Variants in FHIT observed in about 807,000 individuals in gnomAD.
FHIT encodes the protein fragile histidine triad diadenosine triphosphatase.
FHIT carries 19 observed loss-of-function variants against 17.9 expected under a neutral mutation model. The observed-to-expected ratio is 1.06, with a 90% CI of 0.74 to 1.56. The LOEUF is 1.56. Ranked by LOEUF, FHIT falls within the 40% of genes most tolerant of loss-of-function variation. FHIT has a pLI of 0.00. For synonymous variants in FHIT, 81 were observed against 69.7 expected, an observed-to-expected ratio of 1.16 and a Z score of -0.81; for missense variants, 248 against 189.2, an observed-to-expected ratio of 1.31 and a Z score of -1.82.
chr3:60,224,118 C>T (rs1011635613), intron 5 of FHIT, among the ~76,000 whole-genome samples: 3 of 152,118 alleles, frequency 2.0e-5, no homozygotes, highest in Non-Finnish European at 4.4e-5. Flanking sequence ...AGCCTCTCAA[C>T]AAATTTATTT....
At chr3:60,097,297 T>G (rs1225736473) in intron 5 of FHIT, among the ~76,000 whole-genome samples, 2 of 152,062 alleles carry the variant, frequency 1.3e-5, no homozygotes, top group Admixed American at 6.5e-5. Context: ...AAGGGGGAGC[T>G]TTACCCCTTG....
intron 4 of FHIT, chr3:60,690,277 C>T (rs1019240466): frequency 2.2e-5 from 12 of 551,406 alleles, no homozygotes; most frequent in African/African-American, 3.8e-5. Flanking sequence ...CTTGCCATTC[C>T]TGAACACAAA....
chr3:60,014,326 C>T (rs17061792), intron 5 of FHIT, among the ~76,000 whole-genome samples, 174 bp from the exon 6 acceptor site: 25,149 of 152,158 alleles, frequency 0.17, 2,285 homozygotes, highest in African/African-American at 0.22. Context: ...AAAGAGAGCT[C>T]CCATACATGG....
chr3:61,063,295 G>C (rs544597866), intron 2 of FHIT, among the ~76,000 whole-genome samples: 1 of 140,638 alleles, frequency 7.1e-6, no homozygotes, highest in African/African-American at 2.6e-5. Context: ...CCATGTACTA[G>C]TTCTCAAATC....
intron 3 of FHIT, among the ~76,000 whole-genome samples, chr3:60,867,793 G>C (rs1456101379): frequency 6.6e-6 from 1 of 152,160 alleles, no homozygotes; most frequent in Non-Finnish European, 1.5e-5. Context: ...GGGTCTATCT[G>C]AATGACTACA....
rs1339961948 is a variant in FHIT, at chr3:60,248,632, C to T, written c.104-234480G>A. On this transcript the variant is annotated intron_variant, in intron 5 of 9. Coordinates refer to ENST00000492590, the MANE Select transcript of FHIT (RefSeq NM_002012.4). ...GGAGGGAGTAAGAAAAATGATATAG[C>T]CTACCACTTAAGATAGGGTGCCAAA... Among the ~76,000 whole-genome samples the T allele has an allele frequency of 6.6e-5, 10 of 152,134 alleles. No homozygotes were observed. In the East Asian group the frequency reaches 1.9e-3, roughly 29 times the overall value.
At chr3:60,268,222 C>G (rs566355371) in intron 5 of FHIT, among the ~76,000 whole-genome samples, 4 of 152,256 alleles carry the variant, frequency 2.6e-5, no homozygotes, top group African/African-American at 9.6e-5. Context: ...TATTCTTATG[C>G]TGAATAATCT....
At chr3:59,876,145 T>C (rs633798) in intron 8 of FHIT, among the ~76,000 whole-genome samples, 61,602 of 151,644 alleles carry the variant, frequency 0.41, 13,216 homozygotes, top group East Asian at 0.56. Context: ...AACTGTACTC[T>C]TGAAAATGGT....
chr3:60,988,719 G>C (rs1314627401), intron 3 of FHIT, among the ~76,000 whole-genome samples: 1 of 152,024 alleles, frequency 6.6e-6, no homozygotes, highest in Non-Finnish European at 1.5e-5. Flanking sequence ...CAAGGTAAAG[G>C]GCAAGAGGTG....
Position 60,311,813 on chromosome 3 carries a change from C to G in FHIT, c.103+225047G>C, listed in dbSNP as rs553874878. On this transcript the variant is annotated intron_variant, in intron 5 of 9. Transcript: ENST00000492590. ...AACATGCCCTTTTCTTAAACATGGTCGGGGTGGACTTTCACATTTCATAGA... is the reference window on the plus strand; with the variant it reads ...AACATGCCCTTTTCTTAAACATGGTGGGGGTGGACTTTCACATTTCATAGA... 2.4e-3 allele frequency among the ~76,000 whole-genome samples: 366 copies of G among 152,108 alleles called. 1 individual carries two copies. Among genetic ancestry groups the G allele is most frequent in the African/African-American group, 8.1e-3 (336 of 41,546 alleles).
intron 5 of FHIT, among the ~76,000 whole-genome samples, chr3:60,211,068 T>TAAAAA (rs10663373): frequency 1.4e-4 from 12 of 84,416 alleles, no homozygotes; most frequent in Admixed American, 2.6e-4. Flanking sequence ...TATAAAACCG[T>TAAAAA]AAAAAAAAAA....
chr3:60,204,502 A>C (rs1009516592), intron 5 of FHIT, among the ~76,000 whole-genome samples: 22 of 148,696 alleles, frequency 1.5e-4, no homozygotes, highest in Admixed American at 1.4e-4. Context: ...TGTTGCCCGG[A>C]CTGGTCTTGA....
At chr3:60,206,768 ATG>A (rs34922025) in intron 5 of FHIT, among the ~76,000 whole-genome samples, 12 of 151,934 alleles carry the variant, frequency 7.9e-5, no homozygotes, top group African/African-American at 2.7e-4. Context: ...ACATTGCTGA[ATG>A]TGTGTGTGTG....
At chr3:60,076,311 A>G (rs1703003538) in intron 5 of FHIT, among the ~76,000 whole-genome samples, 1 of 152,106 alleles carries the variant, frequency 6.6e-6, no homozygotes, top group Admixed American at 6.6e-5. Context: ...AAATATTCTA[A>G]GTATTCAGAA....
intron 5 of FHIT, among the ~76,000 whole-genome samples, chr3:60,238,267 G>C (rs1428947553): frequency 2.6e-5 from 4 of 151,576 alleles, no homozygotes; most frequent in African/African-American, 9.7e-5. Flanking sequence ...TGAAATGTCA[G>C]ATAATAAAGC....
chr3:59,806,658 G>GTGTATATATATGTA, intron 8 of FHIT, among the ~76,000 whole-genome samples: 1 of 27,996 alleles, frequency 3.6e-5, no homozygotes, highest in Admixed American at 4.9e-4. Flanking sequence ...ACATATATAT[G>GTGTATATATATGTA]TATACATATA....
intron 3 of FHIT, among the ~76,000 whole-genome samples, chr3:60,824,323 C>A (rs191643872): frequency 2.0e-5 from 3 of 152,092 alleles, no homozygotes; most frequent in Non-Finnish European, 4.4e-5. Flanking sequence ...GGTAGAGATA[C>A]GCCTGACTTC....
intron 4 of FHIT, among the ~76,000 whole-genome samples, chr3:60,566,696 A>T (rs1296850696): frequency 6.6e-6 from 1 of 152,286 alleles, no homozygotes; most frequent in Middle Eastern, 3.4e-3. Context: ...ACATGATTGT[A>T]TATCTAGAAA....
At chr3:60,318,319 A>T (rs1709260730) in intron 5 of FHIT, among the ~76,000 whole-genome samples, 1 of 152,228 alleles carries the variant, frequency 6.6e-6, no homozygotes, top group Non-Finnish European at 1.5e-5. Flanking sequence ...ATTTCTGATC[A>T]TTTTATTTAT....
Sources: allele counts gnomAD v4.1 joint callset (sites outside exome capture counted in the v4.1 genomes callset), GRCh38; gene constraint gnomAD v4.1.1; transcripts MANE v1.5; gene names NCBI Gene and HGNC (gene_info 2026-07-23, HGNC 2026-07-21).